TDRD12: variants seen among roughly 807,000 people sequenced by gnomAD.
TDRD12 encodes the protein putative ATP-dependent RNA helicase TDRD12.
Under a neutral mutation model 133.5 loss-of-function variants are expected in TDRD12, and 158 were observed. The observed-to-expected ratio is 1.18, with a 90% CI of 1.04 to 1.35. The LOEUF is 1.35. TDRD12 is among the 40% of genes most tolerant of loss of function. The pLI is 0.00. For synonymous variants in TDRD12, 460 were observed against 477.9 expected (o/e 0.96, Z 0.49); for missense variants, 1,443 against 1,321.3 (o/e 1.09, Z -1.43).
At chr19:32,757,768 A>G (rs1454699513) in intron 8 of TDRD12, among the ~76,000 whole-genome samples, 1 of 152,180 alleles carries the variant, frequency 6.6e-6, no homozygotes. Context: ...TTTCCCTTAA[A>G]TCTGTGGTTT....
At chr19:32,766,789 A>G (rs1047641347) in intron 8 of TDRD12, among the ~76,000 whole-genome samples, 1 of 151,526 alleles carries the variant, frequency 6.6e-6, no homozygotes, top group Non-Finnish European at 1.5e-5. Context: ...TAGTTTTTGT[A>G]TTTTTAGTAG....
chr19:32,821,127 A>T lies in TDRD12; in HGVS notation c.3478A>T (p.Asn1160Tyr), dbSNP rs924301374. ...GGCTGAGTCCAAGACGAGCTCAGAA[A>T]ACCAGAAGCCTGGTGGGTACTTGGT... Residue 1160 changes from asparagine (N) to tyrosine (Y), a missense_variant, in exon 28 of 28, where the codon AAC becomes TAC. Physicochemically the swap from Asn to Tyr is moderately radical, Grantham distance 143. Coordinates refer to ENST00000444215, the Ensembl canonical transcript of TDRD12. 2.0e-6 allele frequency: 3 copies of T among 1,535,938 alleles called. No homozygotes were observed. The African/African-American group carries it at 4.1e-5, about 21-fold the overall frequency.
intron 1 of TDRD12, 105 bp from the exon 2 acceptor site, chr19:32,731,620 G>A (rs1969056665): frequency 4.7e-6 from 5 of 1,054,446 alleles, no homozygotes; most frequent in Admixed American, 3.3e-5. Flanking sequence ...TCAAGAATTT[G>A]TTAGGTCACT....
intron 14 of TDRD12, among the ~76,000 whole-genome samples, chr19:32,795,680 T>C (rs1328259113): frequency 6.6e-6 from 1 of 152,168 alleles, no homozygotes; most frequent in Non-Finnish European, 1.5e-5. Context: ...TATAAATACC[T>C]GAGGCTGGGT....
At chr19:32,812,696 C>T (rs1599620581) in intron 24 of TDRD12, among the ~76,000 whole-genome samples, 1 of 152,222 alleles carries the variant, frequency 6.6e-6, no homozygotes, top group African/African-American at 2.4e-5. Context: ...AAAAGTATTT[C>T]TTGAAGGAGC....
chr19:32,758,150 A>T (rs1970049929), intron 8 of TDRD12, among the ~76,000 whole-genome samples: 1 of 152,138 alleles, frequency 6.6e-6, no homozygotes, highest in Non-Finnish European at 1.5e-5. Flanking sequence ...CAAGAAGAAT[A>T]AGGTTATGCT....
chr19:32,747,992 A>T (rs947875509), intron 4 of TDRD12, among the ~76,000 whole-genome samples: 1 of 152,128 alleles, frequency 6.6e-6, no homozygotes, highest in East Asian at 1.9e-4. Context: ...TCCAGCCTGG[A>T]TAACAGAGAG....
chr19:32,826,091 TG>T (rs1967579955), downstream of TDRD12: 4 of 1,535,632 alleles, frequency 2.6e-6, no homozygotes, highest in Non-Finnish European at 3.5e-6. Flanking sequence ...ACCTTGATTT[TG>T]TGCAGAAACT....
intron 8 of TDRD12, among the ~76,000 whole-genome samples, chr19:32,760,132 T>C (rs561137028): frequency 1.1e-4 from 17 of 152,226 alleles, no homozygotes; most frequent in Non-Finnish European, 2.5e-4. Context: ...TGGCTTTCCA[T>C]TGCTTGATAT....
intron 8 of TDRD12, among the ~76,000 whole-genome samples, chr19:32,757,692 T>C (rs576385986): frequency 1.3e-5 from 2 of 152,260 alleles, no homozygotes; most frequent in South Asian, 4.1e-4. Flanking sequence ...TGACTTTAAG[T>C]GAAACAATGT....
intron 12 of TDRD12, 42 bp from the exon 13 acceptor site, chr19:32,790,922 C>T (rs753748863): frequency 1.1e-5 from 16 of 1,523,324 alleles, no homozygotes; most frequent in Non-Finnish European, 2.6e-6. Context: ...GTGCTGACGC[C>T]TCAGGGCAGA....
intron 1 of TDRD12, 25 bp from the exon 2 acceptor site, chr19:32,731,700 T>C: frequency 3.3e-6 from 5 of 1,523,788 alleles, no homozygotes; most frequent in South Asian, 2.5e-5. Context: ...TACGCTGTTC[T>C]GTTTGTCTTT....
chr19:32,734,727 A>G (rs1969174278), intron 2 of TDRD12, among the ~76,000 whole-genome samples: 1 of 152,062 alleles, frequency 6.6e-6, no homozygotes, highest in South Asian at 2.1e-4. Context: ...CGCAGTAACT[A>G]TGTTTTTTTA....
chr19:32,731,966 A>G (rs1380552566), intron 2 of TDRD12, 83 bp downstream of exon 2: 4 of 1,356,422 alleles, frequency 2.9e-6, no homozygotes, highest in South Asian at 1.6e-5. Flanking sequence ...TGATGATTCA[A>G]GCTTTTAGAG....
chr19:32,720,009 C>T (rs1194645936), exon 1 of TDRD12: 19 of 1,536,906 alleles, frequency 1.2e-5, no homozygotes, highest in Non-Finnish European at 1.4e-5. Flanking sequence ...CGCAGCCAGC[C>T]TCACCCGCGA....
intron 16 of TDRD12, among the ~76,000 whole-genome samples, chr19:32,799,377 C>T (rs1200051588): frequency 6.6e-6 from 1 of 152,206 alleles, no homozygotes; most frequent in Non-Finnish European, 1.5e-5. Flanking sequence ...TCTCCACACC[C>T]CTGCCAGAGC....
intron 3 of TDRD12, among the ~76,000 whole-genome samples, chr19:32,739,323 G>T (rs1417042462): frequency 9.5e-6 from 1 of 104,896 alleles, no homozygotes; most frequent in Non-Finnish European, 1.9e-5. Flanking sequence ...GCTACTCTCT[G>T]CATCTCCTGG....
chr19:32,755,168 T>C (rs561850409), intron 6 of TDRD12, among the ~76,000 whole-genome samples: 1 of 152,366 alleles, frequency 6.6e-6, no homozygotes, highest in South Asian at 2.1e-4. Context: ...CATTAACTCG[T>C]TGATGGATAT....
At chr19:32,777,776 C>G (rs60474892) in intron 11 of TDRD12, among the ~76,000 whole-genome samples, 2 of 119,520 alleles carry the variant, frequency 1.7e-5, no homozygotes, top group Non-Finnish European at 3.6e-5. Flanking sequence ...TCCCAAGTAG[C>G]TGGGACCATA....
Sources: gnomAD v4.1 joint callset for allele counts (sites outside exome capture counted in the v4.1 genomes callset) on GRCh38, gnomAD v4.1.1 for gene constraint, MANE v1.5 for transcripts, NCBI Gene and HGNC (gene_info 2026-07-23, HGNC 2026-07-21) for gene names.